Variants in TRDMT1 observed in about 807,000 individuals in gnomAD.
TRDMT1 encodes tRNA aspartic acid methyltransferase 1, also known as tRNA (cytosine(38)-C(5))-methyltransferase.
A neutral mutation model predicts 51.2 loss-of-function variants in TRDMT1; 49 were observed. The ratio of observed to expected loss-of-function variants is 0.96; its 90% confidence interval spans 0.76 to 1.21. The LOEUF is 1.21. Ranked by LOEUF, TRDMT1 falls within the 50% of genes most tolerant of loss-of-function variation. TRDMT1 has a pLI of 0.00. For synonymous variants in TRDMT1, 187 were observed against 164.6 expected, an observed-to-expected ratio of 1.14 and a Z score of -1.04; for missense variants, 534 against 462.3, an observed-to-expected ratio of 1.16 and a Z score of -1.42.
Position 17,201,578 on chromosome 10 carries a change from C to T in TRDMT1, c.57G>A (p.Ala19=), listed in dbSNP as rs754707178. The T allele has an allele frequency of 2.2e-5, 34 of 1,549,644 alleles. No individual in the cohort carries two copies. Among genetic ancestry groups the T allele is most frequent in the South Asian group, 6.0e-5 (5 of 83,878 alleles). ...LYSGVGGMHH[A]LRESCIPAQV... is the part of the protein sequence containing the mutation. Reference sequence around the variant, plus strand: ...TGCTAGATGGACTCTCACCTCTCAGCGCGTGGTGCATGCCGCCCACGCCGC... The same window carrying T: ...TGCTAGATGGACTCTCACCTCTCAGTGCGTGGTGCATGCCGCCCACGCCGC... The change falls in exon 1 of 11, where the codon GCG becomes GCA. Residue 19 remains alanine (A), a synonymous_variant. Coordinates refer to ENST00000377799, the MANE Select transcript of TRDMT1 (RefSeq NM_004412.7).
chr10:17,164,792 C>T (rs1347765495), intron 3 of TRDMT1, among the ~76,000 whole-genome samples: 7 of 152,050 alleles, frequency 4.6e-5, no homozygotes, highest in Non-Finnish European at 8.8e-5. Flanking sequence ...GAATAAAATA[C>T]CTAGGAATCC....
At position 17,139,393 on chromosome 10, in the gene TRDMT1, C is replaced by A. The variant is rs1436049647; in HGVS notation, c.*9647G>T. Among the ~76,000 whole-genome samples the A allele has an allele frequency of 6.6e-6, 1 of 152,026 alleles. No individual in the cohort carries two copies. Among genetic ancestry groups the A allele is most frequent in the East Asian group, 1.9e-4 (1 of 5,192 alleles). ...GCAAACAACTTATATTGGATCTGATCTTAGGAAAAGGGGAAAGTACATCTT... is the reference window on the plus strand; with the variant it reads ...GCAAACAACTTATATTGGATCTGATATTAGGAAAAGGGGAAAGTACATCTT... On this transcript the variant is annotated 3_prime_UTR_variant, in exon 11 of 11. Transcript: ENST00000377799.
chr10:17,137,506 T>C lies in TRDMT1; in HGVS notation c.*11534A>G, dbSNP rs1030634089. On this transcript the variant is annotated 3_prime_UTR_variant, in exon 11 of 11. Coordinates refer to ENST00000377799, the MANE Select transcript of TRDMT1 (RefSeq NM_004412.7). ...ACAGCAGGTACCAAACTAGGAAAGA[T>C]GTCCAAGGCCCAGTATGGGCACACT... is the stretch of plus-strand genomic sequence containing the variant. 27 of 152,168 alleles carry C rather than the reference T, an allele frequency of 1.8e-4. No individual in the cohort carries two copies. Among genetic ancestry groups the C allele is most frequent in the African/African-American group, 5.6e-4 (23 of 41,426 alleles). 9.4% of individuals were successfully genotyped at this position (152,168 alleles called of 1,614,324 possible).
Position 17,147,107 on chromosome 10 carries a change from T to C in TRDMT1, c.*1933A>G, listed in dbSNP as rs1838186120. ...TTGTATAATGTTGCTCAACCGAATG[T>C]GGGATACTATAATTATAGCATAATT... On this transcript the variant is annotated 3_prime_UTR_variant, in exon 11 of 11. Transcript: ENST00000377799. The C allele has an allele frequency of 1.0e-6, 1 of 985,708 alleles. No individual in the cohort carries two copies. The allele number at this position is 985,708 out of a possible 1,614,324, so 61.1% of individuals were successfully genotyped here. A position where few individuals can be genotyped will look rare whatever the true frequency, so the allele number is the denominator to read the frequency against.
chr10:17,187,162 C>A (rs573334944), intron 1 of TRDMT1, among the ~76,000 whole-genome samples: 1 of 152,000 alleles, frequency 6.6e-6, no homozygotes. Flanking sequence ...CAGTAAGCAA[C>A]AAAGAAAAAT....
intron 1 of TRDMT1, among the ~76,000 whole-genome samples, chr10:17,200,128 CAGTT>C (rs1242763502): frequency 6.6e-6 from 1 of 152,156 alleles, no homozygotes; most frequent in Non-Finnish European, 1.5e-5. Flanking sequence ...TTAATTCCAA[CAGTT>C]AGTAAACATG....
In TRDMT1 at chr10:17,201,596, C is replaced by A; in HGVS notation, c.39G>T (p.Val13=). Residue 13 remains valine, a synonymous_variant, in exon 1 of 11, where the codon GTG becomes GTT. Transcript: ENST00000377799. ...CTCTCAGCGCGTGGTGCATGCCGCC[C>A]ACGCCGCTGTATAGCTCCAGCACCC... The part of the protein sequence containing the change: ...PLRVLELYSG[V]GGMHHALRES... 1 of 1,549,132 alleles carries A rather than the reference C, an allele frequency of 6.5e-7. No individual in the cohort carries two copies. The highest frequency in any genetic ancestry group is 8.7e-7 in the Non-Finnish European group (1 of 1,146,088).
chr10:17,161,570 G>T, intron 4 of TRDMT1, 22 bp from the exon 5 acceptor site: 2 of 1,174,126 alleles, frequency 1.7e-6, no homozygotes, highest in South Asian at 1.6e-5. Flanking sequence ...TAAACAAATG[G>T]AATTCTAAAT....
chr10:17,166,522 TA>T lies in TRDMT1; in HGVS notation c.251+2318del, dbSNP rs961232057. Among the ~76,000 whole-genome samples the T allele has an allele frequency of 2.2e-3, 334 of 150,974 alleles. 1 individual carries two copies. The highest frequency in any genetic ancestry group is 7.4e-3 in the African/African-American group (305 of 41,172). On this transcript the variant is annotated intron_variant, in intron 3 of 10. Transcript: ENST00000377799. ...TACCCTAAAACTTAAAGTATAATAA[TA>T]AAAAAAAAGCATGCTATTTATCTTC...
intron 8 of TRDMT1, among the ~76,000 whole-genome samples, chr10:17,155,085 C>A (rs978491004): frequency 6.6e-6 from 1 of 151,886 alleles, no homozygotes; most frequent in African/African-American, 2.4e-5. Context: ...ATGAGCCAGG[C>A]GTGGTGGTGC....
intron 1 of TRDMT1, among the ~76,000 whole-genome samples, chr10:17,178,207 T>C (rs951142066): frequency 6.6e-6 from 1 of 152,206 alleles, no homozygotes; most frequent in Non-Finnish European, 1.5e-5. Flanking sequence ...CACTGACATC[T>C]AGTTGTAAGA....
intron 1 of TRDMT1, among the ~76,000 whole-genome samples, chr10:17,177,727 C>T (rs1842783718): frequency 6.8e-6 from 1 of 147,208 alleles, no homozygotes; most frequent in African/African-American, 2.5e-5. Flanking sequence ...CACACACACA[C>T]ACACACACAC....
chr10:17,165,992 A>G (rs1841151573), intron 3 of TRDMT1, among the ~76,000 whole-genome samples: 1 of 152,086 alleles, frequency 6.6e-6, no homozygotes, highest in African/African-American at 2.4e-5. Flanking sequence ...AACTAGAAAT[A>G]CCATTTGACC....
Position 17,145,380 on chromosome 10 carries a change from T to G in TRDMT1, c.*3660A>C. The G allele has an allele frequency of 1.0e-6, 1 of 985,394 alleles. No homozygotes were observed. The highest frequency in any genetic ancestry group is 1.2e-6 in the Non-Finnish European group (1 of 829,934). 61.0% of individuals were successfully genotyped at this position (985,394 alleles called of 1,614,324 possible). On this transcript the variant is annotated 3_prime_UTR_variant, in exon 11 of 11. Coordinates refer to ENST00000377799, the MANE Select transcript of TRDMT1 (RefSeq NM_004412.7). ...AGTGCTTGCTAAGAAGCTGATATGATAGTTGTATATAGCACATTTGAATGG... is the reference window on the plus strand; with the variant it reads ...AGTGCTTGCTAAGAAGCTGATATGAGAGTTGTATATAGCACATTTGAATGG...
rs562731304 is a variant in TRDMT1 at position 17,145,668 on chromosome 10, C to T, written c.*3372G>A. 1.0e-6 allele frequency: 1 copy of T among 985,392 alleles called. No individual in the cohort carries two copies. The highest frequency in any genetic ancestry group is 1.2e-6 in the Non-Finnish European group (1 of 829,906). 61.0% of individuals were successfully genotyped at this position (985,392 alleles called of 1,614,324 possible). ...GGAAAACCCACTTTAATCTCTTTGT[C>T]TATGTGGGATTAAAATTTGGTCCTT... On this transcript the variant is annotated 3_prime_UTR_variant, in exon 11 of 11. Transcript: ENST00000377799.
intron 1 of TRDMT1, among the ~76,000 whole-genome samples, chr10:17,186,283 C>A (rs1489333503): frequency 6.6e-6 from 1 of 151,952 alleles, no homozygotes; most frequent in African/African-American, 2.4e-5. Flanking sequence ...GAAAATGTTA[C>A]CTTACATGGG....
intron 2 of TRDMT1, among the ~76,000 whole-genome samples, chr10:17,173,030 A>G (rs1001882085): frequency 5.3e-5 from 8 of 152,162 alleles, no homozygotes; most frequent in African/African-American, 1.7e-4. Context: ...TTTACATTGA[A>G]TAAATATTAT....
chr10:17,194,934 AAAAAAAAAAAAAGTC>A (rs1203321753), intron 1 of TRDMT1, among the ~76,000 whole-genome samples: 3 of 143,122 alleles, frequency 2.1e-5, no homozygotes, highest in African/African-American at 8.3e-5. Context: ...ATCCGACTCA[AAAAAAAAAAAAAGTC>A]AAAAAAAAAA....
intron 1 of TRDMT1, chr10:17,200,692 G>A (rs1055111867): frequency 1.3e-5 from 2 of 156,140 alleles, no homozygotes; most frequent in African/African-American, 2.4e-5. Flanking sequence ...ATAATTTTGA[G>A]TGAATATCAC....
Sources: gnomAD v4.1 joint callset for allele counts (sites outside exome capture counted in the v4.1 genomes callset) on GRCh38, gnomAD v4.1.1 for gene constraint, MANE v1.5 for transcripts, NCBI Gene and HGNC (gene_info 2026-07-23, HGNC 2026-07-21) for gene names.